Variants in TACC1 observed in about 807,000 individuals in gnomAD.
TACC1 encodes the protein transforming acidic coiled-coil containing protein 1, also known as transforming acidic coiled-coil-containing protein 1.
In TACC1, 48 loss-of-function variants were observed where a neutral mutation model predicts 84.4. The observed-to-expected ratio is 0.57, with a 90% CI of 0.45 to 0.72. The LOEUF (loss-of-function observed/expected upper bound fraction) is 0.72. Ranked by LOEUF, TACC1 falls within the 30% of genes least tolerant of loss-of-function variation. The pLI is 0.00. For missense variants in TACC1, 920 were observed against 973.0 expected (o/e 0.95, Z 0.72); for synonymous variants, 372 against 376.3 (o/e 0.99, Z 0.13).
chr8:38,731,424 A>G (rs192313633), intron 1 of TACC1, among the ~76,000 whole-genome samples: 14 of 152,380 alleles, frequency 9.2e-5, no homozygotes, highest in Non-Finnish European at 1.3e-4. Flanking sequence ...TCACAAAGAT[A>G]TCATGAAGAT....
intron 3 of TACC1, among the ~76,000 whole-genome samples, chr8:38,755,812 C>CCTT (rs141289741): frequency 1.3e-5 from 2 of 149,926 alleles, no homozygotes; most frequent in Admixed American, 6.7e-5. Flanking sequence ...GTGAAGAGAT[C>CCTT]ATTATTATTA....
chr8:38,779,364 T>G (rs1815485951), intron 3 of TACC1, among the ~76,000 whole-genome samples: 1 of 152,198 alleles, frequency 6.6e-6, no homozygotes, highest in South Asian at 2.1e-4. Flanking sequence ...CACAGTCACT[T>G]AGATGAAACC....
rs537747836 is a variant in TACC1, at chr8:38,777,286, TTC to T, written c.27-11411_27-11410del. 2.5e-4 allele frequency among the ~76,000 whole-genome samples: 38 copies of T among 151,840 alleles called. No individual in the cohort carries two copies. The East Asian group carries it at 7.4e-3, about 29-fold the overall frequency. ...AAAAAAAAAAAGAGAAGATAGACTT[TTC>T]TCTCTCATGGAACAGTCCTCAGGCA... On this transcript the variant is annotated intron_variant, in intron 3 of 14. Transcript: ENST00000518415.
In TACC1 at chr8:38,749,703, T is replaced by C. The variant is rs1009437381; in HGVS notation, c.26+4210T>C. Among the ~76,000 whole-genome samples the C allele has an allele frequency of 9.9e-4, 151 of 152,134 alleles. 6 individuals are homozygous for C. The highest frequency in any genetic ancestry group is 7.3e-5 in the Non-Finnish European group (5 of 68,028). On this transcript the variant is annotated intron_variant, in intron 3 of 14. Transcript: ENST00000518415. ...GCCTCCCAGGTTCAAGCGATTCTCC[T>C]GCCTCAGCCTCCTGAGTAGCTGGGA...
In TACC1 at chr8:38,838,452, A is replaced by C. The variant is rs745378261; in HGVS notation, c.1840-18A>C. On this transcript the variant is annotated intron_variant, in intron 7 of 12. Transcript: ENST00000317827. ...AATTGTAATAGATTGGGTAAAACTAAGCTTTATTGTACTCTAGATAATTAC... is the reference window on the plus strand; with the variant it reads ...AATTGTAATAGATTGGGTAAAACTACGCTTTATTGTACTCTAGATAATTAC... The C allele has an allele frequency of 6.3e-7, 1 of 1,591,944 alleles. No homozygotes were observed. Among genetic ancestry groups the C allele is most frequent in the Non-Finnish European group, 8.6e-7 (1 of 1,160,452 alleles).
In TACC1 at chr8:38,851,830, A is replaced by G. The variant is rs1025554400; in HGVS notation, c.*3807A>G. Reference sequence around the variant, plus strand: ...GATTATTTGCTTATGAAAGAACAATATAGTCTGGGAATCCCAGAATGTCAA... The same window carrying G: ...GATTATTTGCTTATGAAAGAACAATGTAGTCTGGGAATCCCAGAATGTCAA... On this transcript the variant is annotated 3_prime_UTR_variant, in exon 13 of 13. Transcript: ENST00000317827. 6.9e-6 allele frequency: 3 copies of G among 435,880 alleles called. No individual in the cohort carries two copies. The highest frequency in any genetic ancestry group is 5.0e-5 in the Admixed American group (2 of 40,150). The allele number at this position is 435,880 out of a possible 1,614,324, so 27.0% of individuals were successfully genotyped here.
At chr8:38,792,271 T>C (rs1413689563) in intron 2 of TACC1, among the ~76,000 whole-genome samples, 10 of 152,192 alleles carry the variant, frequency 6.6e-5, no homozygotes, top group Admixed American at 6.5e-4. Context: ...AGGAATGGAC[T>C]TTTGAGGAGG....
At chr8:38,771,387 G>A (rs913163506) in intron 3 of TACC1, among the ~76,000 whole-genome samples, 5 of 152,146 alleles carry the variant, frequency 3.3e-5, no homozygotes, top group East Asian at 1.9e-4. Context: ...TTTGGCGCTC[G>A]AGACACCATA....
chr8:38,789,172 G>A (rs1348865064), intron 2 of TACC1, among the ~76,000 whole-genome samples: 6 of 152,162 alleles, frequency 3.9e-5, no homozygotes. Context: ...TGTGGCTGGA[G>A]ACAAAAATTA....
intron 3 of TACC1, among the ~76,000 whole-genome samples, chr8:38,763,373 T>C (rs1404597629): frequency 6.6e-6 from 1 of 152,008 alleles, no homozygotes; most frequent in Non-Finnish European, 1.5e-5. Flanking sequence ...CAGGATATAG[T>C]CTCAAACTCC....
chr8:38,852,113 T>G lies in TACC1; in HGVS notation c.*4090T>G. On this transcript the variant is annotated 3_prime_UTR_variant, in exon 13 of 13. Transcript: ENST00000317827. ...AGACCCATCCCCTAGTGCCAGAGCT[T>G]GCATCCTGGAGACTAAAGATTGCAC... 1 of 329,332 alleles carries G rather than the reference T, an allele frequency of 3.0e-6. No individual in the cohort carries two copies. The highest frequency in any genetic ancestry group is 2.4e-5 in the South Asian group (1 of 42,188). The allele number at this position is 329,332 out of a possible 1,614,324, so 20.4% of individuals were successfully genotyped here. A position where few individuals can be genotyped will look rare whatever the true frequency, so the allele number is the denominator to read the frequency against.
intron 2 of TACC1, among the ~76,000 whole-genome samples, chr8:38,802,537 G>A (rs999922026): frequency 4.5e-4 from 69 of 152,300 alleles, no homozygotes; most frequent in Admixed American, 3.3e-4. Flanking sequence ...TGGAAAAATT[G>A]TCTTCCATGA....
Position 38,827,173 on chromosome 8 carries a change from AG to A in TACC1, c.1462del (p.Ala488GlnfsTer2). 1 of 1,613,242 alleles carries A rather than the reference AG, an allele frequency of 6.2e-7. No individual in the cohort carries two copies. The highest frequency in any genetic ancestry group is 8.5e-7 in the Non-Finnish European group (1 of 1,179,784). ...TTCTCTGTTGTGTTTCTCAGGATGA[AG>A]GGGCAGTGATCTCCCAGATTTCAGA... ...LALDACSRDE[G>X]AVISQISDIS... On this transcript the variant is annotated frameshift_variant, in exon 5 of 13. Coordinates refer to ENST00000317827, the MANE Select transcript of TACC1 (RefSeq NM_006283.3). LOFTEE classifies it high-confidence loss of function.
At chr8:38,817,206 C>T (rs1377441410) in intron 2 of TACC1, among the ~76,000 whole-genome samples, 3 of 152,172 alleles carry the variant, frequency 2.0e-5, no homozygotes, top group African/African-American at 7.2e-5. Context: ...GTACAACTGG[C>T]CTGTCTTTTA....
intron 2 of TACC1, among the ~76,000 whole-genome samples, chr8:38,807,103 C>G (rs1430513596): frequency 6.6e-6 from 1 of 152,158 alleles, no homozygotes; most frequent in Non-Finnish European, 1.5e-5. Flanking sequence ...AGCTTCCATG[C>G]CCTCTCTGGG....
chr8:38,825,027 A>G (rs1313951591), intron 3 of TACC1, among the ~76,000 whole-genome samples: 3 of 152,188 alleles, frequency 2.0e-5, no homozygotes, highest in Admixed American at 1.3e-4. Flanking sequence ...ATTAAAAACC[A>G]TAGACATCAG....
At chr8:38,774,886 A>G (rs1456920850) in intron 3 of TACC1, among the ~76,000 whole-genome samples, 2 of 151,700 alleles carry the variant, frequency 1.3e-5, no homozygotes, top group Middle Eastern at 3.2e-3. Flanking sequence ...TGGCACATGC[A>G]TGTAATCCCA....
At chr8:38,757,301 G>A in intron 3 of TACC1, 1 of 1,261,398 alleles carries the variant, frequency 7.9e-7, no homozygotes, top group Non-Finnish European at 1.0e-6. Flanking sequence ...CCCAGCACAG[G>A]AGGGTGCAGC....
In TACC1 at chr8:38,846,725, G is replaced by A. The variant is rs749374701; in HGVS notation, c.2255G>A (p.Arg752Gln). 19 of 1,613,944 alleles carry A rather than the reference G, an allele frequency of 1.2e-5. No individual in the cohort carries two copies. The highest frequency in any genetic ancestry group is 3.3e-5 in the South Asian group (3 of 91,056). The change falls in exon 12 of 13, where the codon CGA becomes CAA. Residue 752 changes from arginine (R) to glutamine (Q), a missense_variant. Around this residue, in one of 2 missense-constraint regions of TACC1, gnomAD observed 158 missense variants for 225.6 expected, o/e 0.70. Transcript: ENST00000317827. ...GCCAATGAAGAGATTGCTCAGGTTC[G>A]AACAAAAGCAAAGGCTGAGAGTGCA... Reference protein sequence around the residue: ...DKANEEIAQVRTKAKAESAAL... With the variant: ...DKANEEIAQVQTKAKAESAAL...
Sources: gnomAD v4.1 joint callset for allele counts (sites outside exome capture counted in the v4.1 genomes callset) on GRCh38, gnomAD v4.1.1 for gene constraint, gnomAD v4.1.1 regional missense constraint, MANE v1.5 for transcripts, NCBI Gene and HGNC (gene_info 2026-07-23, HGNC 2026-07-21) for gene names.